Variants in DDR2 observed in about 807,000 individuals in gnomAD.
DDR2 encodes the protein discoidin domain-containing receptor 2.
DDR2 carries 27 observed loss-of-function variants against 94.9 expected under a neutral mutation model. That is an observed-to-expected ratio of 0.28 (90% CI 0.21 to 0.39). The LOEUF is 0.39. Ranked by LOEUF, DDR2 falls within the 10% of genes least tolerant of loss-of-function variation. DDR2 has a pLI of 1.00. For missense variants in DDR2, 783 were observed against 1,076.0 expected (o/e 0.73, Z 3.81); for synonymous variants, 382 against 377.2 (o/e 1.01, Z -0.15).
chr1:162,733,883 T>C (rs1383971466), intron 3 of DDR2, among the ~76,000 whole-genome samples: 1 of 152,230 alleles, frequency 6.6e-6, no homozygotes, highest in Non-Finnish European at 1.5e-5. Flanking sequence ...ATCATCACTT[T>C]AATCCCATAC....
chr1:162,689,772 G>A lies in DDR2; in HGVS notation c.-27-29265G>A, dbSNP rs182024761. Among the ~76,000 whole-genome samples, 275 of 142,448 alleles carry A rather than the reference G, an allele frequency of 1.9e-3. 1 individual carries two copies. Among genetic ancestry groups the A allele is most frequent in the African/African-American group, 5.9e-3 (225 of 38,366 alleles). The allele number at this position is 142,448 out of a possible 152,430, so 93.5% of individuals were successfully genotyped here. A position where few individuals can be genotyped will look rare whatever the true frequency, so the allele number is the denominator to read the frequency against. ...TAATCCCAGCACTTTGGGAGGCCAA[G>A]GCAGGCAGATCACTTGAGGCCAGGA... On this transcript the variant is annotated intron_variant, in intron 2 of 17. Coordinates refer to ENST00000367921, the MANE Select transcript of DDR2 (RefSeq NM_006182.4).
In DDR2 at chr1:162,722,453, T is replaced by C. The variant is rs73024586; in HGVS notation, c.82+3308T>C. Among the ~76,000 whole-genome samples, 1,164 of 152,344 alleles carry C rather than the reference T, an allele frequency of 7.6e-3. 19 individuals carry two copies. The highest frequency in any genetic ancestry group is 0.035 in the East Asian group (180 of 5,184). ...CCAGGAACTGGAACCTAATCATCATTAATCCAGTGGGAGAGGTTATTGGAA... is the reference window on the plus strand; with the variant it reads ...CCAGGAACTGGAACCTAATCATCATCAATCCAGTGGGAGAGGTTATTGGAA... On this transcript the variant is annotated intron_variant, in intron 3 of 17. Transcript: ENST00000367921.
chr1:162,752,210 A>G (rs1450094331), intron 3 of DDR2, among the ~76,000 whole-genome samples: 1 of 151,976 alleles, frequency 6.6e-6, no homozygotes, highest in East Asian at 1.9e-4. Flanking sequence ...TTAACTAGGT[A>G]TACTCTATTT....
At chr1:162,693,603 A>G (rs998340454) in intron 2 of DDR2, among the ~76,000 whole-genome samples, 2 of 152,192 alleles carry the variant, frequency 1.3e-5, no homozygotes, top group Non-Finnish European at 2.9e-5. Flanking sequence ...AAGTCAGGGG[A>G]TAAGAAATAC....
chr1:162,777,015 A>C (rs1336555551), intron 16 of DDR2, among the ~76,000 whole-genome samples: 1 of 152,118 alleles, frequency 6.6e-6, no homozygotes, highest in South Asian at 2.1e-4. Context: ...ATGTTATTTT[A>C]TCTTTTTTCT....
intron 2 of DDR2, among the ~76,000 whole-genome samples, chr1:162,703,913 T>TA (rs759470014): frequency 9.2e-5 from 14 of 152,186 alleles, no homozygotes; most frequent in Non-Finnish European, 1.5e-4. Flanking sequence ...GATGACATCA[T>TA]ACGCCATTGG....
chr1:162,734,810 G>C (rs1033180360), intron 3 of DDR2, among the ~76,000 whole-genome samples: 1 of 152,200 alleles, frequency 6.6e-6, no homozygotes, highest in African/African-American at 2.4e-5. Context: ...AGACCCAATC[G>C]TGTGGACCTC....
At chr1:162,684,153 G>A (rs1659547488) in intron 2 of DDR2, among the ~76,000 whole-genome samples, 1 of 152,154 alleles carries the variant, frequency 6.6e-6, no homozygotes, top group Non-Finnish European at 1.5e-5. Flanking sequence ...CCCAGGTTTA[G>A]GTCCTTGGCC....
intron 2 of DDR2, among the ~76,000 whole-genome samples, chr1:162,707,885 T>C (rs568298587): frequency 2.0e-5 from 3 of 152,228 alleles, no homozygotes; most frequent in African/African-American, 7.2e-5. Context: ...AGTGATACCA[T>C]TTTCTACTTT....
rs539427490 is a variant in DDR2 at position 162,699,946 on chromosome 1, T to C, written c.-27-19091T>C. 6.6e-5 allele frequency among the ~76,000 whole-genome samples: 10 copies of C among 152,356 alleles called. No homozygotes were observed. The East Asian group carries it at 1.7e-3, about 26-fold the overall frequency. On this transcript the variant is annotated intron_variant, in intron 2 of 17. Transcript: ENST00000367921. Reference sequence around the variant, plus strand: ...GCTTCTATTGTCACCTCTTCCTAAGTTGATATGTAGCTCAATTTGTTAGGA... The same window carrying C: ...GCTTCTATTGTCACCTCTTCCTAAGCTGATATGTAGCTCAATTTGTTAGGA...
chr1:162,646,915 G>T (rs997165439), intron 1 of DDR2, among the ~76,000 whole-genome samples: 9 of 152,212 alleles, frequency 5.9e-5, no homozygotes, highest in Non-Finnish European at 1.3e-4. Context: ...GCATTAGACT[G>T]TGGATGCCTC....
intron 3 of DDR2, among the ~76,000 whole-genome samples, chr1:162,741,204 CAATACAATAT>C (rs1405301298): frequency 1.7e-3 from 84 of 50,354 alleles, no homozygotes; most frequent in African/African-American, 4.7e-3. Context: ...TAATACAATA[CAATACAATAT>C]AATATAATAT....
intron 17 of DDR2, among the ~76,000 whole-genome samples, chr1:162,778,974 C>G (rs573167877): frequency 6.6e-6 from 1 of 152,266 alleles, no homozygotes; most frequent in East Asian, 1.9e-4. Context: ...AGGTTTCTCC[C>G]CAGCTCAAAG....
intron 3 of DDR2, among the ~76,000 whole-genome samples, chr1:162,722,641 A>C (rs975137895): frequency 3.3e-5 from 5 of 152,256 alleles, no homozygotes; most frequent in African/African-American, 1.2e-4. Flanking sequence ...ATTTGGAGTT[A>C]ACTTAGAAAA....
In DDR2 at chr1:162,669,486, T is replaced by G. The variant is rs564394384; in HGVS notation, c.-28+14112T>G. 4.6e-5 allele frequency among the ~76,000 whole-genome samples: 7 copies of G among 152,340 alleles called. No individual in the cohort carries two copies. The South Asian group carries it at 1.4e-3, about 32-fold the overall frequency. On this transcript the variant is annotated intron_variant, in intron 2 of 17. Coordinates refer to ENST00000367921, the MANE Select transcript of DDR2 (RefSeq NM_006182.4). ...AACACATCACAGTCAAGTCCAAAAA[T>G]TTGAATGTTACATGGCTTTTTAGTG... is the stretch of plus-strand genomic sequence containing the variant.
intron 9 of DDR2, among the ~76,000 whole-genome samples, chr1:162,765,087 TGTAA>T (rs1269131792): frequency 6.6e-6 from 1 of 152,144 alleles, no homozygotes; most frequent in Non-Finnish European, 1.5e-5. Flanking sequence ...CCACTTACAC[TGTAA>T]GTGTTAACTG....
rs1365016828 is a variant in DDR2, at chr1:162,781,381, T to A, written c.*1135T>A. The A allele has an allele frequency of 6.6e-6, 1 of 152,234 alleles. No individual in the cohort carries two copies. Among genetic ancestry groups the A allele is most frequent in the Non-Finnish European group, 1.5e-5 (1 of 68,056 alleles). 9.4% of individuals were successfully genotyped at this position (152,234 alleles called of 1,614,324 possible). On this transcript the variant is annotated 3_prime_UTR_variant, in exon 18 of 18. Coordinates refer to ENST00000367921, the MANE Select transcript of DDR2 (RefSeq NM_006182.4). ...TGATGTGGAGAAGTTACAGGGAGAC[T>A]GATTTCCATTCCTTATTGGGGAAAA...
chr1:162,775,346 T>A (rs1053190865), intron 14 of DDR2, among the ~76,000 whole-genome samples: 1 of 152,222 alleles, frequency 6.6e-6, no homozygotes, highest in Non-Finnish European at 1.5e-5. Context: ...AGCAGCCTAT[T>A]TTTGATTCAG....
At chr1:162,718,087 T>C (rs1018649194) in intron 2 of DDR2, among the ~76,000 whole-genome samples, 5 of 152,222 alleles carry the variant, frequency 3.3e-5, no homozygotes, top group Non-Finnish European at 5.9e-5. Context: ...CATGAACTCA[T>C]GGATATTTAT....
Sources: gnomAD v4.1 joint callset for allele counts (sites outside exome capture counted in the v4.1 genomes callset) on GRCh38, gnomAD v4.1.1 for gene constraint, MANE v1.5 for transcripts, NCBI Gene and HGNC (gene_info 2026-07-23, HGNC 2026-07-21) for gene names.